Variants in FANCC observed in about 807,000 individuals in gnomAD.
The protein encoded by FANCC is Fanconi anemia group C protein.
A neutral mutation model predicts 71.3 loss-of-function variants in FANCC; 55 were observed. That is an observed-to-expected ratio of 0.77 (90% CI 0.62 to 0.97). The LOEUF (loss-of-function observed/expected upper bound fraction) is 0.97, where lower values mean the gene tolerates loss of function less well. Ranked by LOEUF, FANCC falls within the 50% of genes least tolerant of loss-of-function variation. The probability of loss-of-function intolerance (pLI) is 0.00; values close to 1 mark genes in which losing one functional copy is unlikely to be tolerated. For missense variants in FANCC, 678 were observed against 670.9 expected (o/e 1.01, Z -0.12); for synonymous variants, 275 against 244.9 (o/e 1.12, Z -1.15).
intron 1 of FANCC, among the ~76,000 whole-genome samples, chr9:95,315,708 T>C (rs1273318075): frequency 6.6e-6 from 1 of 152,214 alleles, no homozygotes; most frequent in African/African-American, 2.4e-5. Flanking sequence ...TGGTGCTCAT[T>C]TCCAGCCCGA....
chr9:95,170,003 T>C (rs1241200029), intron 6 of FANCC, among the ~76,000 whole-genome samples: 1 of 152,226 alleles, frequency 6.6e-6, no homozygotes, highest in South Asian at 2.1e-4. Context: ...TGTTAACAGA[T>C]TTTAAAAATT....
chr9:95,289,696 G>C (rs1201757440), intron 1 of FANCC, among the ~76,000 whole-genome samples: 1 of 152,158 alleles, frequency 6.6e-6, no homozygotes, highest in African/African-American at 2.4e-5. Flanking sequence ...TGTCACCCAG[G>C]CTGGAGTACA....
chr9:95,316,647 A>G lies in FANCC; in HGVS notation c.-79+879T>C, dbSNP rs909620714. Among the ~76,000 whole-genome samples the G allele has an allele frequency of 1.3e-5, 2 of 152,236 alleles. 1 individual carries two copies. On this transcript the variant is annotated intron_variant, in intron 1 of 14. Transcript: ENST00000289081. ...CAGATTAGAACAAAAGTCCAGGCACATACAGGACTTTGCTAGAAAACTCCT... is the reference window on the plus strand; with the variant it reads ...CAGATTAGAACAAAAGTCCAGGCACGTACAGGACTTTGCTAGAAAACTCCT...
intron 4 of FANCC, among the ~76,000 whole-genome samples, chr9:95,214,304 T>C (rs1255952312): frequency 6.6e-6 from 1 of 152,110 alleles, no homozygotes; most frequent in African/African-American, 2.4e-5. Flanking sequence ...TGATGGTGCA[T>C]GCCTGTAGTC....
chr9:95,166,539 T>C (rs1393289651), intron 6 of FANCC, among the ~76,000 whole-genome samples: 1 of 152,190 alleles, frequency 6.6e-6, no homozygotes, highest in East Asian at 1.9e-4. Flanking sequence ...CATCCTTTTC[T>C]ATTTTGTATC....
intron 1 of FANCC, among the ~76,000 whole-genome samples, chr9:95,274,287 T>G (rs1210266270): frequency 2.0e-5 from 3 of 152,188 alleles, no homozygotes; most frequent in Non-Finnish European, 2.9e-5. Context: ...TGGTTTTCTG[T>G]TCCTGTATTA....
intron 1 of FANCC, among the ~76,000 whole-genome samples, chr9:95,307,779 C>T (rs139830345): frequency 6.6e-6 from 1 of 152,228 alleles, no homozygotes; most frequent in African/African-American, 2.4e-5. Flanking sequence ...TTCACTCCTG[C>T]CAGTTGCTGC....
Position 95,099,543 on chromosome 9 carries a change from C to A in FANCC, c.*2164G>T, listed in dbSNP as rs566582636. On this transcript the variant is annotated 3_prime_UTR_variant, in exon 15 of 15. Transcript: ENST00000289081. ...GGAGGTGGGCTTAAGAGTGCCTGCCCGGCCGCCACCTGTCTTGGAGGTGGA... is the reference window on the plus strand; with the variant it reads ...GGAGGTGGGCTTAAGAGTGCCTGCCAGGCCGCCACCTGTCTTGGAGGTGGA... 209 of 230,274 alleles carry A rather than the reference C, an allele frequency of 9.1e-4. 1 individual carries two copies. Among genetic ancestry groups the A allele is most frequent in the Non-Finnish European group, 6.4e-4 (75 of 116,378 alleles). The allele number at this position is 230,274 out of a possible 1,614,324, so 14.3% of individuals were successfully genotyped here.
chr9:95,137,869 C>T (rs1827945782), intron 7 of FANCC, among the ~76,000 whole-genome samples: 2 of 152,192 alleles, frequency 1.3e-5, no homozygotes, highest in Non-Finnish European at 1.5e-5. Flanking sequence ...CTGAGTGTGC[C>T]GGGCAGGCCC....
chr9:95,290,871 T>A (rs548311759), intron 1 of FANCC, among the ~76,000 whole-genome samples: 8 of 152,234 alleles, frequency 5.3e-5, no homozygotes, highest in African/African-American at 1.9e-4. Context: ...TAAAAAAAGA[T>A]CACATATCAT....
chr9:95,106,877 A>G (rs2071491507), intron 14 of FANCC, among the ~76,000 whole-genome samples, 189 bp downstream of exon 14: 1 of 152,128 alleles, frequency 6.6e-6, no homozygotes, highest in Non-Finnish European at 1.5e-5. Flanking sequence ...TTTCTCTTCT[A>G]TGACATAAAG....
At position 95,271,705 on chromosome 9, in the gene FANCC, A is replaced by C. The variant is rs542037867; in HGVS notation, c.-78-22336T>G. ...AATTGCAAATTACAAAAAGGGAAGCAAAGTTACATCTTGCTTTTTTTTTTG... is the reference window on the plus strand; with the variant it reads ...AATTGCAAATTACAAAAAGGGAAGCCAAGTTACATCTTGCTTTTTTTTTTG... On this transcript the variant is annotated intron_variant, in intron 1 of 14. Transcript: ENST00000289081. 4.1e-4 allele frequency among the ~76,000 whole-genome samples: 62 copies of C among 152,256 alleles called. 1 individual carries two copies. In the South Asian group the frequency reaches 0.013, roughly 32 times the overall value.
chr9:95,125,332 G>A, intron 9 of FANCC, 147 bp from the exon 10 acceptor site: 1 of 705,832 alleles, frequency 1.4e-6, no homozygotes, highest in South Asian at 1.5e-5. Context: ...CAGTCCTTGT[G>A]TGAAAACAGG....
chr9:95,135,137 T>TA (rs1310254376), intron 8 of FANCC, among the ~76,000 whole-genome samples: 1 of 152,214 alleles, frequency 6.6e-6, no homozygotes, highest in African/African-American at 2.4e-5. Flanking sequence ...ATCAATCAAG[T>TA]AAACCTCAGA....
chr9:95,251,582 C>T (rs1003737722), intron 1 of FANCC, among the ~76,000 whole-genome samples: 3 of 152,128 alleles, frequency 2.0e-5, no homozygotes, highest in Non-Finnish European at 4.4e-5. Flanking sequence ...TCCCAAAGTG[C>T]TGGGATTACA....
intron 1 of FANCC, among the ~76,000 whole-genome samples, chr9:95,261,285 T>C (rs755396569): frequency 6.6e-6 from 1 of 152,238 alleles, no homozygotes; most frequent in South Asian, 2.1e-4. Context: ...TATTAGACAA[T>C]TGACAGCTGA....
chr9:95,253,576 A>T (rs1375614119), intron 1 of FANCC, among the ~76,000 whole-genome samples: 1 of 152,202 alleles, frequency 6.6e-6, no homozygotes, highest in Non-Finnish European at 1.5e-5. Context: ...TCAAAATAAG[A>T]AAGCTTCCTG....
intron 4 of FANCC, among the ~76,000 whole-genome samples, chr9:95,238,245 TG>T (rs1292512249): frequency 2.0e-5 from 3 of 152,168 alleles, no homozygotes; most frequent in Non-Finnish European, 4.4e-5. Flanking sequence ...TTCCCACAGG[TG>T]GCTGACTTTC....
intron 1 of FANCC, among the ~76,000 whole-genome samples, chr9:95,262,156 A>G (rs796925473): frequency 6.6e-6 from 1 of 152,280 alleles, no homozygotes; most frequent in African/African-American, 2.4e-5. Flanking sequence ...GCTCAGATTC[A>G]AAGTACAGCA....
Sources: gnomAD v4.1 joint callset for allele counts (sites outside exome capture counted in the v4.1 genomes callset) on GRCh38, gnomAD v4.1.1 for gene constraint, MANE v1.5 for transcripts, NCBI Gene and HGNC (gene_info 2026-07-23, HGNC 2026-07-21) for gene names.